CHL1: variants seen among roughly 807,000 people sequenced by gnomAD.
The protein encoded by CHL1 is neural cell adhesion molecule L1-like protein.
A neutral mutation model predicts 141.9 loss-of-function variants in CHL1; 96 were observed. The observed-to-expected ratio is 0.68, with a 90% CI of 0.57 to 0.80. The LOEUF is 0.80. Among genes scored for constraint, CHL1 ranks in the 30% least tolerant of loss-of-function variants. The pLI is 0.00. For missense variants in CHL1, 1,820 were observed against 1,457.2 expected (o/e 1.25, Z -4.05); for synonymous variants, 613 against 502.2 (o/e 1.22, Z -2.95).
intron 2 of CHL1, among the ~76,000 whole-genome samples, chr3:283,371 T>G (rs1331763493): frequency 6.6e-6 from 1 of 152,214 alleles, no homozygotes; most frequent in African/African-American, 2.4e-5. Flanking sequence ...ATAAGTTTCC[T>G]GAGATTAGCA....
intron 2 of CHL1, among the ~76,000 whole-genome samples, chr3:249,833 T>C (rs576626714): frequency 6.6e-5 from 10 of 152,272 alleles, no homozygotes; most frequent in South Asian, 4.1e-4. Context: ...CAGTACATAC[T>C]GTGAATATAG....
At chr3:381,859 A>T (rs552316153) in intron 16 of CHL1, among the ~76,000 whole-genome samples, 1 of 152,246 alleles carries the variant, frequency 6.6e-6, no homozygotes, top group Non-Finnish European at 1.5e-5. Context: ...ACTTAGAGAC[A>T]TATATTAAGA....
chr3:387,198 A>G (rs1707809615), intron 19 of CHL1, among the ~76,000 whole-genome samples: 1 of 152,200 alleles, frequency 6.6e-6, no homozygotes, highest in African/African-American at 2.4e-5. Flanking sequence ...AAGTCATACT[A>G]ACAATATCAT....
intron 1 of CHL1, among the ~76,000 whole-genome samples, chr3:219,057 G>A (rs1314902982): frequency 2.2e-5 from 3 of 138,068 alleles, no homozygotes; most frequent in Non-Finnish European, 4.9e-5. Context: ...GCTGAGGCAG[G>A]AGAATGGCAT....
chr3:392,478 A>C (rs1708303573), intron 23 of CHL1, among the ~76,000 whole-genome samples: 1 of 152,266 alleles, frequency 6.6e-6, no homozygotes, highest in Non-Finnish European at 1.5e-5. Flanking sequence ...GAATGTGTTT[A>C]GATGAGATCA....
intron 2 of CHL1, among the ~76,000 whole-genome samples, chr3:314,527 C>A (rs1700020653): frequency 6.6e-6 from 1 of 151,664 alleles, no homozygotes; most frequent in Non-Finnish European, 1.5e-5. Flanking sequence ...GGAGATTCTG[C>A]TGAACTTAGC....
At chr3:396,593 ATCTTT>A (rs548771212) in intron 24 of CHL1, among the ~76,000 whole-genome samples, 115 of 152,272 alleles carry the variant, frequency 7.6e-4, no homozygotes, top group Non-Finnish European at 1.1e-3. Flanking sequence ...GTGATGTGGC[ATCTTT>A]TCTTTAAACT....
chr3:313,258 C>A (rs993155473), intron 2 of CHL1, among the ~76,000 whole-genome samples: 2 of 152,024 alleles, frequency 1.3e-5, no homozygotes, highest in African/African-American at 4.8e-5. Context: ...GGAAATTTGA[C>A]CTAAAACTGT....
intron 2 of CHL1, among the ~76,000 whole-genome samples, chr3:271,207 C>T (rs1366289077): frequency 6.6e-6 from 1 of 152,166 alleles, no homozygotes; most frequent in Non-Finnish European, 1.5e-5. Flanking sequence ...TGAACTCGGG[C>T]AAGTCATTTT....
intron 26 of CHL1, among the ~76,000 whole-genome samples, chr3:400,134 C>T (rs1709003459): frequency 1.3e-5 from 2 of 152,172 alleles, no homozygotes; most frequent in African/African-American, 4.8e-5. Context: ...TTAGGTTACA[C>T]TGCTATTTGT....
chr3:398,173 G>T, intron 24 of CHL1, 54 bp from the exon 25 acceptor site: 2 of 1,229,640 alleles, frequency 1.6e-6, no homozygotes, highest in Admixed American at 2.4e-5. Context: ...ATTTTTTTAT[G>T]TCCTGTTTTT....
intron 2 of CHL1, among the ~76,000 whole-genome samples, chr3:250,533 A>T (rs1693592231): frequency 6.6e-6 from 1 of 152,070 alleles, no homozygotes; most frequent in African/African-American, 2.4e-5. Context: ...CTCCAGTGAT[A>T]GTGGTTGTCC....
At chr3:349,281 GGAT>G in intron 9 of CHL1, 75 bp from the exon 10 acceptor site, 2 of 1,242,668 alleles carry the variant, frequency 1.6e-6, no homozygotes, top group Non-Finnish European at 2.3e-6. Flanking sequence ...CCCTGATAAA[GGAT>G]GTGTCCTAAG....
chr3:210,940 C>G (rs1699855556), intron 1 of CHL1, among the ~76,000 whole-genome samples: 1 of 152,200 alleles, frequency 6.6e-6, no homozygotes, highest in Admixed American at 6.5e-5. Context: ...AGGAGGCGTC[C>G]AGTTGGCTGA....
chr3:387,557 G>T (rs1258427851), intron 19 of CHL1, among the ~76,000 whole-genome samples: 2 of 152,132 alleles, frequency 1.3e-5, no homozygotes, highest in Non-Finnish European at 2.9e-5. Context: ...TTTAAAATTT[G>T]TCAGAGAACT....
chr3:203,760 T>G (rs1699162379), intron 1 of CHL1, among the ~76,000 whole-genome samples: 1 of 152,202 alleles, frequency 6.6e-6, no homozygotes, highest in South Asian at 2.1e-4. Context: ...ACCCCAAGAT[T>G]TCCAGTTGCT....
At chr3:252,041 T>G (rs915395803) in intron 2 of CHL1, among the ~76,000 whole-genome samples, 1 of 152,036 alleles carries the variant, frequency 6.6e-6, no homozygotes, top group Non-Finnish European at 1.5e-5. Context: ...AGGTTAAACT[T>G]TCCAACCACC....
intron 27 of CHL1, among the ~76,000 whole-genome samples, chr3:402,053 C>A (rs995555315): frequency 6.6e-6 from 1 of 152,220 alleles, no homozygotes; most frequent in African/African-American, 2.4e-5. Flanking sequence ...TATCTGTATA[C>A]CTACAGCGTT....
chr3:305,680 C>T lies in CHL1; in HGVS notation c.-94-14003C>T, dbSNP rs148997326. 2.3e-3 allele frequency among the ~76,000 whole-genome samples: 343 copies of T among 150,834 alleles called. 2 individuals carry two copies. Among genetic ancestry groups the T allele is most frequent in the African/African-American group, 7.8e-3 (321 of 41,266 alleles). ...TATAACAGATATAAGGCATACTATACATTATATATAATATAAATGTACATA... is the reference window on the plus strand; with the variant it reads ...TATAACAGATATAAGGCATACTATATATTATATATAATATAAATGTACATA... On this transcript the variant is annotated intron_variant, in intron 2 of 27. Transcript: ENST00000256509.
Sources: allele counts gnomAD v4.1 joint callset (sites outside exome capture counted in the v4.1 genomes callset), GRCh38; gene constraint gnomAD v4.1.1; transcripts MANE v1.5; gene names NCBI Gene and HGNC (gene_info 2026-07-23, HGNC 2026-07-21).